EHD2: variants seen among roughly 807,000 people sequenced by gnomAD.
EHD2 encodes the protein EH domain-containing protein 2.
Under a neutral mutation model 41.0 loss-of-function variants are expected in EHD2, and 27 were observed. That is an observed-to-expected ratio of 0.66 (90% confidence interval 0.49 to 0.91). EHD2 has a LOEUF of 0.91. EHD2 is among the 40% of genes least tolerant of loss of function. The pLI is 0.00. For synonymous variants in EHD2, 342 were observed against 341.0 expected, an observed-to-expected ratio of 1.00 and a Z score of -0.03; for missense variants, 673 against 773.9, an observed-to-expected ratio of 0.87 and a Z score of 1.55.
chr19:47,716,068 CTTTTTTTTT>C (rs60295874), intron 1 of EHD2, among the ~76,000 whole-genome samples: 1 of 100,006 alleles, frequency 1.0e-5, no homozygotes, highest in Non-Finnish European at 1.9e-5. Flanking sequence ...TGTGCCTGGC[CTTTTTTTTT>C]TTTTTTTTTT....
intron 3 of EHD2, among the ~76,000 whole-genome samples, chr19:47,724,945 G>GCAC (rs1473397782): frequency 8.7e-6 from 1 of 114,648 alleles, no homozygotes; most frequent in Non-Finnish European, 1.6e-5. Context: ...TCATGCCACT[G>GCAC]CACTCCAGCC....
At chr19:47,740,425 C>A (rs1004136255) in intron 5 of EHD2, among the ~76,000 whole-genome samples, 12 of 149,146 alleles carry the variant, frequency 8.0e-5, no homozygotes, top group African/African-American at 2.8e-4. Context: ...AGTGACAGAG[C>A]GAGACCCTGT....
At position 47,741,598 on chromosome 19, in the gene EHD2, G is replaced by A. The variant is rs1218763065; in HGVS notation, c.*166G>A. The A allele has an allele frequency of 5.1e-6, 4 of 777,022 alleles. No individual in the cohort carries two copies. The highest frequency in any genetic ancestry group is 8.1e-6 in the Non-Finnish European group (4 of 495,252). 48.1% of individuals were successfully genotyped at this position (777,022 alleles called of 1,614,324 possible). A position where few individuals can be genotyped will look rare whatever the true frequency, so the allele number is the denominator to read the frequency against. On this transcript the variant is annotated 3_prime_UTR_variant, in exon 6 of 6. Coordinates refer to ENST00000263277, the MANE Select transcript of EHD2 (RefSeq NM_014601.4). This position sits in a 1 kb window ranked among gnomAD's most constrained non-coding sequence, Gnocchi z 4.5. ...AGACACCCCGGTGGAAGCATTTAGA[G>A]GGGACCACGGGAGGGACAAGGCTTC... is the stretch of plus-strand genomic sequence containing the variant.
rs1280750622 is a variant in EHD2 at position 47,719,013 on chromosome 19, G to A, written c.502+407G>A. On this transcript the variant is annotated intron_variant, in intron 3 of 5. Transcript: ENST00000263277. The surrounding 1 kb of genome is among the most constrained non-coding windows in gnomAD (Gnocchi z 4.1). Reference sequence around the variant, plus strand: ...CTAGAGGAGGAGGGGCGGTGTCTCCGCTGGGACTTGGGCCTGTGTCCTCTG... The same window carrying A: ...CTAGAGGAGGAGGGGCGGTGTCTCCACTGGGACTTGGGCCTGTGTCCTCTG... 1.3e-5 allele frequency among the ~76,000 whole-genome samples: 2 copies of A among 152,116 alleles called. No individual in the cohort carries two copies. Among genetic ancestry groups the A allele is most frequent in the African/African-American group, 4.8e-5 (2 of 41,414 alleles).
At chr19:47,721,076 T>C (rs574218622) in intron 3 of EHD2, among the ~76,000 whole-genome samples, 3 of 152,168 alleles carry the variant, frequency 2.0e-5, no homozygotes, top group South Asian at 4.1e-4. Flanking sequence ...CAAACATCTG[T>C]GTAGGTCCCA....
intron 4 of EHD2, among the ~76,000 whole-genome samples, chr19:47,732,657 G>C (rs1267034314): frequency 6.6e-6 from 1 of 151,996 alleles, no homozygotes; most frequent in Non-Finnish European, 1.5e-5. Context: ...CTGGCCTCAA[G>C]TGATCCTCCC....
rs987659135 is a variant in EHD2, at chr19:47,719,543, C to T, written c.502+937C>T. On this transcript the variant is annotated intron_variant, in intron 3 of 5. Coordinates refer to ENST00000263277, the MANE Select transcript of EHD2 (RefSeq NM_014601.4). This position sits in a 1 kb window ranked among gnomAD's most constrained non-coding sequence, Gnocchi z 4.1. ...CCCCACAGATCTGTGTCCCCCACCC[C>T]CCATGGCCTTGGAGGCCCAGAACTG... Among the ~76,000 whole-genome samples the T allele has an allele frequency of 2.0e-5, 3 of 152,136 alleles. No individual in the cohort carries two copies. Among genetic ancestry groups the T allele is most frequent in the Admixed American group, 6.6e-5 (1 of 15,266 alleles).
At position 47,741,817 on chromosome 19, in the gene EHD2, G is replaced by C; in HGVS notation, c.*385G>C. On this transcript the variant is annotated 3_prime_UTR_variant, in exon 6 of 6. Transcript: ENST00000263277. The surrounding 1 kb of genome is among the most constrained non-coding windows in gnomAD (Gnocchi z 4.5). ...ACAAATACATCTGCCCTCATGGAAG[G>C]TGACGTTCCCAGGAGAGGGCACCTA... 1 of 482,056 alleles carries C rather than the reference G, an allele frequency of 2.1e-6. No individual in the cohort carries two copies. The highest frequency in any genetic ancestry group is 4.1e-6 in the Non-Finnish European group (1 of 244,572). The allele number at this position is 482,056 out of a possible 1,614,324, so 29.9% of individuals were successfully genotyped here. A position where few individuals can be genotyped will look rare whatever the true frequency, so the allele number is the denominator to read the frequency against.
At position 47,741,938 on chromosome 19, in the gene EHD2, A is replaced by T. The variant is rs1367745275; in HGVS notation, c.*506A>T. 7 of 454,416 alleles carry T rather than the reference A, an allele frequency of 1.5e-5. No individual in the cohort carries two copies. The Admixed American group carries it at 1.7e-4, about 11-fold the overall frequency. 28.1% of individuals were successfully genotyped at this position (454,416 alleles called of 1,614,324 possible). On this transcript the variant is annotated 3_prime_UTR_variant, in exon 6 of 6. Coordinates refer to ENST00000263277, the MANE Select transcript of EHD2 (RefSeq NM_014601.4). This position sits in a 1 kb window ranked among gnomAD's most constrained non-coding sequence, Gnocchi z 4.5. ...GCTGAAATGACTAGCAGATAAACAGACCCCCTTCTGCTCCGCTTCCTCCTG... is the reference window on the plus strand; with the variant it reads ...GCTGAAATGACTAGCAGATAAACAGTCCCCCTTCTGCTCCGCTTCCTCCTG...
chr19:47,741,571 C>G lies in EHD2; in HGVS notation c.*139C>G. ...CCGGGGGTCTCCCTCCTCACTACCG[C>G]CAGACACCCCGGTGGAAGCATTTAG... On this transcript the variant is annotated 3_prime_UTR_variant, in exon 6 of 6. Coordinates refer to ENST00000263277, the MANE Select transcript of EHD2 (RefSeq NM_014601.4). This position sits in a 1 kb window ranked among gnomAD's most constrained non-coding sequence, Gnocchi z 4.5. The G allele has an allele frequency of 1.0e-6, 1 of 986,234 alleles. No homozygotes were observed. The highest frequency in any genetic ancestry group is 1.5e-6 in the Non-Finnish European group (1 of 684,078). 61.1% of individuals were successfully genotyped at this position (986,234 alleles called of 1,614,324 possible). A position where few individuals can be genotyped will look rare whatever the true frequency, so the allele number is the denominator to read the frequency against.
At chr19:47,737,099 T>C (rs1026563641) in intron 5 of EHD2, among the ~76,000 whole-genome samples, 35 of 151,740 alleles carry the variant, frequency 2.3e-4, no homozygotes, top group East Asian at 1.4e-3. Context: ...GGTGTGGTGG[T>C]GGGCGCCTGT....
At chr19:47,735,728 C>A (rs1372431221) in intron 4 of EHD2, among the ~76,000 whole-genome samples, 1 of 151,578 alleles carries the variant, frequency 6.6e-6, no homozygotes, top group Non-Finnish European at 1.5e-5. Context: ...CATGGAGAAA[C>A]CCCGTTTCTA....
Position 47,726,216 on chromosome 19 carries a change from C to CTGGTGCGGG in EHD2, c.914_915insGGTGGTGCG (p.Val304_Val306dup). 6.6e-7 allele frequency: 1 copy of CTGGTGCGGG among 1,513,468 alleles called. No individual in the cohort carries two copies. Among genetic ancestry groups the CTGGTGCGGG allele is most frequent in the Non-Finnish European group, 8.9e-7 (1 of 1,129,460 alleles). The allele number at this position is 1,513,468 out of a possible 1,614,324, so 93.8% of individuals were successfully genotyped here. ...CAACGACCTGGTGAAGAGGGCCCGG[C>CTGGTGCGGG]TGGTGCGAGTGAGTAGTCCTGAGGG... On this transcript the variant is annotated inframe_insertion, in exon 4 of 6. Transcript: ENST00000263277.
In EHD2 at chr19:47,742,248, G is replaced by A. The variant is rs1044743393; in HGVS notation, c.*816G>A. The A allele has an allele frequency of 1.3e-4, 42 of 314,466 alleles. 2 individuals are homozygous for A. The highest frequency in any genetic ancestry group is 2.2e-4 in the Non-Finnish European group (37 of 165,810). The allele number at this position is 314,466 out of a possible 1,614,324, so 19.5% of individuals were successfully genotyped here. ...CTTTTTTGTTTTTGCCCCCAGTTCT[G>A]TCCACACCCCTTCCCTTTCCTGTCC... On this transcript the variant is annotated 3_prime_UTR_variant, in exon 6 of 6. Coordinates refer to ENST00000263277, the MANE Select transcript of EHD2 (RefSeq NM_014601.4).
At chr19:47,724,817 A>C (rs1973732299) in intron 3 of EHD2, among the ~76,000 whole-genome samples, 1 of 151,842 alleles carries the variant, frequency 6.6e-6, no homozygotes, top group Non-Finnish European at 1.5e-5. Flanking sequence ...TCTCTACTAA[A>C]AATACAGAAA....
In EHD2 at chr19:47,719,072, T is replaced by C. The variant is rs1052092616; in HGVS notation, c.502+466T>C. On this transcript the variant is annotated intron_variant, in intron 3 of 5. Transcript: ENST00000263277. This position sits in a 1 kb window ranked among gnomAD's most constrained non-coding sequence, Gnocchi z 4.1. ...TGGCGGGGCAGCCGCAGGGAGCTAGTGGAAGCTGTGACTGCTCCATGCTGG... is the reference window on the plus strand; with the variant it reads ...TGGCGGGGCAGCCGCAGGGAGCTAGCGGAAGCTGTGACTGCTCCATGCTGG... Among the ~76,000 whole-genome samples, 1 of 151,966 alleles carries C rather than the reference T, an allele frequency of 6.6e-6. No homozygotes were observed. The highest frequency in any genetic ancestry group is 1.5e-5 in the Non-Finnish European group (1 of 67,956).
intron 3 of EHD2, among the ~76,000 whole-genome samples, chr19:47,720,785 G>T (rs536559406): frequency 6.6e-6 from 1 of 152,244 alleles, no homozygotes; most frequent in South Asian, 2.1e-4. Context: ...GGGACTGTGT[G>T]TGACTACCTG....
chr19:47,722,030 A>G, intron 3 of EHD2, among the ~76,000 whole-genome samples: 1 of 149,206 alleles, frequency 6.7e-6, no homozygotes, highest in African/African-American at 2.5e-5. Context: ...ACACACACAC[A>G]CACACACACA....
chr19:47,716,258 T>G lies in EHD2; in HGVS notation c.-55-300T>G, dbSNP rs1973623759. Reference sequence around the variant, plus strand: ...CATGCCCAGCTAATTATTTTTTTTGTAGAGATGGGGGTCTCACTATTTTAC... The same window carrying G: ...CATGCCCAGCTAATTATTTTTTTTGGAGAGATGGGGGTCTCACTATTTTAC... On this transcript the variant is annotated intron_variant, in intron 1 of 5. Transcript: ENST00000263277. Among the ~76,000 whole-genome samples the G allele has an allele frequency of 3.3e-5, 5 of 151,586 alleles. No individual in the cohort carries two copies. In the South Asian group the frequency reaches 1.0e-3, roughly 32 times the overall value.
Sources: gnomAD v4.1 joint callset for allele counts (sites outside exome capture counted in the v4.1 genomes callset) on GRCh38, gnomAD v4.1.1 for gene constraint, Gnocchi (gnomAD v3.1) non-coding constraint, MANE v1.5 for transcripts, NCBI Gene and HGNC (gene_info 2026-07-23, HGNC 2026-07-21) for gene names.